The following RB1 variants were observed in gnomAD, a reference collection of about 807,000 sequenced individuals.
RB1 encodes the protein RB transcriptional corepressor 1, also known as retinoblastoma-associated protein.
In RB1, 18 loss-of-function variants were observed where a neutral mutation model predicts 135.4. The ratio of observed to expected loss-of-function variants is 0.13; its 90% confidence interval spans 0.09 to 0.20. The LOEUF (loss-of-function observed/expected upper bound fraction) is 0.20, where lower values mean the gene tolerates loss of function less well. Ranked by LOEUF, RB1 falls within the 10% of genes least tolerant of loss-of-function variation. The pLI is 1.00. For synonymous variants in RB1, 365 were observed against 373.2 expected (o/e 0.98, Z 0.25); for missense variants, 868 against 1,110.0 (o/e 0.78, Z 3.10).
At chr13:48,343,170 C>G (rs1952462464) in intron 3 of RB1, among the ~76,000 whole-genome samples, 2 of 152,000 alleles carry the variant, frequency 1.3e-5, no homozygotes, top group African/African-American at 4.8e-5. Flanking sequence ...TTTGAACATG[C>G]TACAATACTT....
intron 17 of RB1, chr13:48,408,743 C>G (rs1243534687): frequency 6.6e-6 from 1 of 152,110 alleles, no homozygotes; most frequent in Non-Finnish European, 1.5e-5. Flanking sequence ...AAGAATCTTA[C>G]AAAACTTTTG....
intron 17 of RB1, among the ~76,000 whole-genome samples, chr13:48,442,203 T>C (rs779278712): frequency 4.0e-5 from 6 of 150,024 alleles, no homozygotes; most frequent in Non-Finnish European, 8.8e-5. Context: ...CAGTATGAAT[T>C]TTATTTTTTT....
chr13:48,463,502 C>A (rs1267464463), intron 20 of RB1, among the ~76,000 whole-genome samples: 2 of 152,162 alleles, frequency 1.3e-5, no homozygotes, highest in Admixed American at 1.3e-4. Context: ...ATTTACAAAC[C>A]AGGTGATCAG....
chr13:48,349,168 T>TA, intron 6 of RB1, 145 bp downstream of exon 6: 1 of 812,592 alleles, frequency 1.2e-6, no homozygotes, highest in South Asian at 2.9e-5. Context: ...AGCAAGTTCC[T>TA]ATAATTCTGG....
intron 10 of RB1, 119 bp downstream of exon 10, chr13:48,367,722 A>C: frequency 1.7e-6 from 2 of 1,188,526 alleles, no homozygotes; most frequent in Non-Finnish European, 2.3e-6. Flanking sequence ...AATTACTTTC[A>C]AATGTCTTTA....
At chr13:48,445,856 C>T (rs1021262252) in intron 17 of RB1, among the ~76,000 whole-genome samples, 3 of 152,092 alleles carry the variant, frequency 2.0e-5, no homozygotes, top group African/African-American at 4.8e-5. Context: ...TACATGTACA[C>T]GTATTCTATT....
chr13:48,347,648 A>T (rs1376733394), intron 4 of RB1, among the ~76,000 whole-genome samples, 177 bp from the exon 5 acceptor site: 2 of 152,068 alleles, frequency 1.3e-5, no homozygotes, highest in Non-Finnish European at 2.9e-5. Context: ...TATATATTAA[A>T]GTGATGTGAG....
intron 2 of RB1, among the ~76,000 whole-genome samples, chr13:48,323,502 A>G (rs1273818840): frequency 6.6e-6 from 1 of 151,128 alleles, no homozygotes; most frequent in East Asian, 1.9e-4. Flanking sequence ...TTATTTCTCT[A>G]TTCTCTAAAA....
chr13:48,360,174 C>T (rs1952626795), intron 7 of RB1, 47 bp downstream of exon 7: 2 of 1,607,236 alleles, frequency 1.2e-6, no homozygotes, highest in Non-Finnish European at 1.7e-6. Context: ...TCAGCAGTTG[C>T]TTATTGAATG....
At chr13:48,432,633 C>A (rs904638624) in intron 17 of RB1, among the ~76,000 whole-genome samples, 1 of 152,140 alleles carries the variant, frequency 6.6e-6, no homozygotes, top group Non-Finnish European at 1.5e-5. Context: ...AGAGACTGAA[C>A]TTTCTTCTCC....
intron 4 of RB1, among the ~76,000 whole-genome samples, chr13:48,347,573 G>C (rs1417327043): frequency 2.0e-5 from 3 of 152,058 alleles, no homozygotes; most frequent in Non-Finnish European, 4.4e-5. Context: ...AGGTGGATCA[G>C]CTGGGTGTTT....
intron 26 of RB1, among the ~76,000 whole-genome samples, 159 bp downstream of exon 26, chr13:48,477,563 G>A (rs1949511880): frequency 1.3e-5 from 2 of 152,130 alleles, no homozygotes; most frequent in Admixed American, 6.5e-5. Flanking sequence ...ACAAACATTT[G>A]TGGATTAAAT....
chr13:48,363,482 A>T (rs994247913), intron 8 of RB1, among the ~76,000 whole-genome samples: 4 of 152,186 alleles, frequency 2.6e-5, no homozygotes, highest in Admixed American at 6.5e-5. Context: ...GCTTGAGCCC[A>T]GAAGTTTGAG....
intron 3 of RB1, among the ~76,000 whole-genome samples, chr13:48,344,379 G>A (rs4151452): frequency 1.3e-5 from 2 of 152,180 alleles, no homozygotes; most frequent in African/African-American, 4.8e-5. Flanking sequence ...AGTAGGGTGA[G>A]GAGGGCATCC....
chr13:48,374,409 C>CCAAAA (rs1373115741), intron 12 of RB1, among the ~76,000 whole-genome samples: 2 of 152,198 alleles, frequency 1.3e-5, no homozygotes, highest in Non-Finnish European at 2.9e-5. Flanking sequence ...CTTATTTCAG[C>CCAAAA]AACTGTGCTT....
At chr13:48,331,539 C>T (rs1395960336) in intron 2 of RB1, among the ~76,000 whole-genome samples, 1 of 152,154 alleles carries the variant, frequency 6.6e-6, no homozygotes, top group Non-Finnish European at 1.5e-5. Context: ...CGATACCCTG[C>T]ACCACCTCAG....
At chr13:48,332,352 T>G (rs1566182939) in intron 2 of RB1, among the ~76,000 whole-genome samples, 1 of 152,138 alleles carries the variant, frequency 6.6e-6, no homozygotes, top group Non-Finnish European at 1.5e-5. Context: ...GAGGATTGCT[T>G]TAGGCCAGAG....
intron 17 of RB1, among the ~76,000 whole-genome samples, chr13:48,403,057 G>A (rs560896651): frequency 6.6e-6 from 1 of 152,010 alleles, no homozygotes; most frequent in Non-Finnish European, 1.5e-5. Context: ...ACAATAATTG[G>A]TAAAATTAGT....
chr13:48,368,777 G>A lies in RB1; in HGVS notation c.1127+173G>A, dbSNP rs3092890. Among the ~76,000 whole-genome samples, 371 of 152,228 alleles carry A rather than the reference G, an allele frequency of 2.4e-3. 3 individuals carry two copies. The highest frequency in any genetic ancestry group is 8.4e-3 in the African/African-American group (347 of 41,540). ...TCCCAGCACTTTGGGAGGCCAAGGC[G>A]GGCAGATCACCTGAGGTTAGGAGTT... On this transcript the variant is annotated intron_variant, in intron 11 of 26. Transcript: ENST00000267163.
Sources: gnomAD v4.1 joint callset for allele counts (sites outside exome capture counted in the v4.1 genomes callset) on GRCh38, gnomAD v4.1.1 for gene constraint, MANE v1.5 for transcripts, NCBI Gene and HGNC (gene_info 2026-07-23, HGNC 2026-07-21) for gene names.